MITF: variants seen among roughly 807,000 people sequenced by gnomAD.
MITF encodes microphthalmia-associated transcription factor.
In MITF, 17 loss-of-function variants were observed where a neutral mutation model predicts 60.5. That is an observed-to-expected ratio of 0.28 (90% CI 0.19 to 0.42). The LOEUF is 0.42. Ranked by LOEUF, MITF falls within the 10% of genes least tolerant of loss-of-function variation. The pLI is 1.00. For synonymous variants in MITF, 260 were observed against 248.5 expected (o/e 1.05, Z -0.43); for missense variants, 622 against 683.5 (o/e 0.91, Z 1.00).
chr3:69,844,567 ACTTCATGG>A (rs1216053378), intron 1 of MITF, among the ~76,000 whole-genome samples: 9 of 152,212 alleles, frequency 5.9e-5, no homozygotes, highest in African/African-American at 2.2e-4. Flanking sequence ...ATGGGCAAAG[ACTTCATGG>A]CTAAAACACA....
At chr3:69,874,219 A>G in intron 1 of MITF, among the ~76,000 whole-genome samples, 1 of 152,226 alleles carries the variant, frequency 6.6e-6, no homozygotes, top group Non-Finnish European at 1.5e-5. Context: ...TTCCTACTTT[A>G]TAGCTCATGA....
intron 1 of MITF, among the ~76,000 whole-genome samples, chr3:69,844,161 G>A (rs1026623013): frequency 6.6e-6 from 1 of 152,088 alleles, no homozygotes; most frequent in African/African-American, 2.4e-5. Context: ...CATTTGGGTT[G>A]GTTCCAAGTC....
In MITF at chr3:69,958,573, TA is replaced by T. The variant is rs540808056; in HGVS notation, c.1032-686del. 5.5e-3 allele frequency among the ~76,000 whole-genome samples: 780 copies of T among 142,204 alleles called. 6 individuals are homozygous for T. The highest frequency in any genetic ancestry group is 0.025 in the East Asian group (124 of 4,926). The allele number at this position is 142,204 out of a possible 152,430, so 93.3% of individuals were successfully genotyped here. Reference sequence around the variant, plus strand: ...TAGCCTGCCCATGATAATCCTTGATTAAAAAAAAAAAAAATAGAAGGATGCT... The same window carrying T: ...TAGCCTGCCCATGATAATCCTTGATTAAAAAAAAAAAAATAGAAGGATGCT... On this transcript the variant is annotated intron_variant, in intron 8 of 9. Transcript: ENST00000352241.
chr3:69,958,499 G>A (rs569888525), intron 8 of MITF, among the ~76,000 whole-genome samples: 22 of 151,862 alleles, frequency 1.4e-4, no homozygotes, highest in Middle Eastern at 6.8e-3. Flanking sequence ...TCCATTCACC[G>A]GTTCCACCTG....
At chr3:69,794,755 C>T (rs911050969) in intron 1 of MITF, among the ~76,000 whole-genome samples, 1 of 152,188 alleles carries the variant, frequency 6.6e-6, no homozygotes, top group Non-Finnish European at 1.5e-5. Context: ...CCCTTTTCCC[C>T]ATCTTAGCCA....
At chr3:69,867,973 A>G (rs754048767) in intron 1 of MITF, among the ~76,000 whole-genome samples, 4 of 152,194 alleles carry the variant, frequency 2.6e-5, no homozygotes, top group Non-Finnish European at 2.9e-5. Context: ...TTAGGAGAGC[A>G]CACACTGTGA....
At chr3:69,795,118 GGGA>G (rs1482370051) in intron 1 of MITF, among the ~76,000 whole-genome samples, 1 of 152,130 alleles carries the variant, frequency 6.6e-6, no homozygotes, top group East Asian at 1.9e-4. Context: ...GTAAATACCT[GGGA>G]GTGGAATGGT....
At chr3:69,756,650 A>G (rs1200048985) in intron 1 of MITF, among the ~76,000 whole-genome samples, 1 of 152,226 alleles carries the variant, frequency 6.6e-6, no homozygotes, top group Non-Finnish European at 1.5e-5. Context: ...GTATATACCC[A>G]GTAATGGGAT....
intron 1 of MITF, among the ~76,000 whole-genome samples, chr3:69,759,303 T>C (rs2062176807): frequency 6.6e-6 from 1 of 152,212 alleles, no homozygotes; most frequent in African/African-American, 2.4e-5. Flanking sequence ...GACAGCACTT[T>C]CGCACTAAAC....
intron 2 of MITF, among the ~76,000 whole-genome samples, chr3:69,920,933 C>T (rs1422506489): frequency 6.6e-6 from 1 of 152,082 alleles, no homozygotes; most frequent in African/African-American, 2.4e-5. Context: ...AGTGGCTCGA[C>T]CTCGGCTCAC....
At chr3:69,868,778 A>G (rs1575846773) in intron 1 of MITF, among the ~76,000 whole-genome samples, 1 of 152,098 alleles carries the variant, frequency 6.6e-6, no homozygotes, top group South Asian at 2.1e-4. Context: ...CCGGGCCTAT[A>G]AACCCAGCTA....
At chr3:69,802,135 T>C (rs1004054151) in intron 1 of MITF, among the ~76,000 whole-genome samples, 2 of 152,134 alleles carry the variant, frequency 1.3e-5, no homozygotes, top group Non-Finnish European at 2.9e-5. Context: ...CTGAGGATGA[T>C]TTTAGCTCCC....
chr3:69,910,560 G>T (rs2065202422), intron 2 of MITF, among the ~76,000 whole-genome samples: 1 of 152,202 alleles, frequency 6.6e-6, no homozygotes, highest in African/African-American at 2.4e-5. Flanking sequence ...GCTCTACCCT[G>T]CAAAGCCACA....
intron 2 of MITF, among the ~76,000 whole-genome samples, chr3:69,935,720 C>T (rs1345140135): frequency 1.3e-5 from 2 of 152,080 alleles, no homozygotes; most frequent in Admixed American, 1.3e-4. Flanking sequence ...ATTTGCTTGC[C>T]TCTTTTCTTT....
chr3:69,798,087 C>T (rs1470750672), intron 1 of MITF, among the ~76,000 whole-genome samples: 5 of 152,288 alleles, frequency 3.3e-5, no homozygotes, highest in Admixed American at 6.5e-5. Flanking sequence ...TGTGTACCCA[C>T]CTTAGGCCTG....
intron 1 of MITF, among the ~76,000 whole-genome samples, chr3:69,860,149 G>A (rs1303713207): frequency 6.6e-6 from 1 of 152,042 alleles, no homozygotes; most frequent in Non-Finnish European, 1.5e-5. Context: ...AGATAACAAA[G>A]AAAAGCCTCT....
chr3:69,951,736 A>G (rs1212732802), intron 6 of MITF, 76 bp from the exon 7 acceptor site: 4 of 1,079,358 alleles, frequency 3.7e-6, no homozygotes, highest in Non-Finnish European at 4.3e-6. Flanking sequence ...TGTTTGGGAA[A>G]TGAGATATTT....
chr3:69,885,239 C>G lies in MITF; in HGVS notation c.354+5856C>G, dbSNP rs543681498. Among the ~76,000 whole-genome samples the G allele has an allele frequency of 3.9e-5, 6 of 152,216 alleles. No individual in the cohort carries two copies. The East Asian group carries it at 1.2e-3, about 29-fold the overall frequency. On this transcript the variant is annotated intron_variant, in intron 2 of 9. Transcript: ENST00000352241. Reference sequence around the variant, plus strand: ...GCCATCTTCTCCATGAGCCCCTTTGCAATCACTGAATTCATCCTGTGGGTT... The same window carrying G: ...GCCATCTTCTCCATGAGCCCCTTTGGAATCACTGAATTCATCCTGTGGGTT...
At chr3:69,890,110 C>T (rs2064725404) in intron 2 of MITF, among the ~76,000 whole-genome samples, 1 of 152,122 alleles carries the variant, frequency 6.6e-6, no homozygotes, top group South Asian at 2.1e-4. Context: ...CTACTGCCCG[C>T]CACAAAGAAA....
Sources: allele counts gnomAD v4.1 joint callset (sites outside exome capture counted in the v4.1 genomes callset), GRCh38; gene constraint gnomAD v4.1.1; transcripts MANE v1.5; gene names NCBI Gene and HGNC (gene_info 2026-07-23, HGNC 2026-07-21).